TIAM1: variants seen among roughly 807,000 people sequenced by gnomAD.
TIAM1 encodes the protein TIAM Rac1 associated GEF 1.
A neutral mutation model predicts 163.5 loss-of-function variants in TIAM1; 65 were observed. That is an observed-to-expected ratio of 0.40 (90% CI 0.33 to 0.49). TIAM1 has a LOEUF of 0.49. Among genes scored for constraint, TIAM1 ranks in the 20% least tolerant of loss-of-function variants. The pLI is 0.77. For missense variants in TIAM1, 1,789 were observed against 2,044.7 expected, an observed-to-expected ratio of 0.87 and a Z score of 2.41; for synonymous variants, 833 against 810.1, an observed-to-expected ratio of 1.03 and a Z score of -0.48.
intron 1 of TIAM1, among the ~76,000 whole-genome samples, chr21:31,558,580 G>A (rs1417434083): frequency 1.3e-5 from 2 of 152,146 alleles, no homozygotes; most frequent in Non-Finnish European, 2.9e-5. Context: ...CCGCAGGTCA[G>A]CGCTGACCTC....
At chr21:31,442,070 A>AATATATATATATATATATATATATATAT (rs138822110) in intron 2 of TIAM1, among the ~76,000 whole-genome samples, 540 of 52,990 alleles carry the variant, frequency 0.01, 49 homozygotes, top group Admixed American at 0.018. Flanking sequence ...CAAATAAATA[A>AATATATATATATATATATATATATATAT]ATATATATAT....
At chr21:31,228,243 A>AGGATTTTTCCTTT (rs1569068912) in intron 6 of TIAM1, among the ~76,000 whole-genome samples, 2 of 51,774 alleles carry the variant, frequency 3.9e-5, no homozygotes, top group Admixed American at 3.1e-4. Flanking sequence ...AAAAAAAAAA[A>AGGATTTTTCCTTT]AAAAAAAAAA....
At chr21:31,473,493 T>C (rs956592382) in intron 1 of TIAM1, among the ~76,000 whole-genome samples, 10 of 137,784 alleles carry the variant, frequency 7.3e-5, no homozygotes, top group African/African-American at 2.7e-4. Flanking sequence ...CTGAGTTGCA[T>C]ATTAGATCCC....
intron 13 of TIAM1, among the ~76,000 whole-genome samples, chr21:31,187,397 C>A (rs190388856): frequency 6.6e-6 from 1 of 152,242 alleles, no homozygotes; most frequent in East Asian, 1.9e-4. Flanking sequence ...TCCATACTCT[C>A]CTCCAAAGCA....
At chr21:31,451,284 C>A (rs1415197015) in intron 2 of TIAM1, among the ~76,000 whole-genome samples, 1 of 152,126 alleles carries the variant, frequency 6.6e-6, no homozygotes, top group Non-Finnish European at 1.5e-5. Context: ...GAGTCGGCCA[C>A]GGGGACAGGA....
At chr21:31,539,621 G>A (rs2048256610) in intron 1 of TIAM1, among the ~76,000 whole-genome samples, 1 of 152,112 alleles carries the variant, frequency 6.6e-6, no homozygotes, top group African/African-American at 2.4e-5. Flanking sequence ...GAGTCACATG[G>A]ACACTCCGGA....
In TIAM1 at chr21:31,196,293, G is replaced by A. The variant is rs535569284; in HGVS notation, c.2494-988C>T. Among the ~76,000 whole-genome samples, 3 of 151,616 alleles carry A rather than the reference G, an allele frequency of 2.0e-5. No individual in the cohort carries two copies. In the South Asian group the frequency reaches 6.3e-4, roughly 32 times the overall value. On this transcript the variant is annotated intron_variant, in intron 12 of 27. Transcript: ENST00000541036. The stretch of plus-strand genomic sequence containing the variant: ...TGTTGGTGAGGCTGCAGAGAGAAGG[G>A]AATGCTTTTCTTTTCTTTTTTCTTT...
chr21:31,215,927 G>A (rs774097416), intron 9 of TIAM1, among the ~76,000 whole-genome samples: 25 of 152,164 alleles, frequency 1.6e-4, no homozygotes, highest in Admixed American at 5.9e-4. Flanking sequence ...TTGGGAGGCC[G>A]AAGTGGGCAG....
At chr21:31,550,157 A>G (rs185063006) in intron 1 of TIAM1, among the ~76,000 whole-genome samples, 75 of 152,198 alleles carry the variant, frequency 4.9e-4, no homozygotes, top group Non-Finnish European at 8.8e-4. Context: ...AAAAAAAAAG[A>G]TATTCAAACA....
Position 31,154,487 on chromosome 21 carries a change from C to G in TIAM1, c.2992-61G>C. 2 of 1,558,532 alleles carry G rather than the reference C, an allele frequency of 1.3e-6. 1 individual carries two copies. The highest frequency in any genetic ancestry group is 4.5e-5 in the East Asian group (2 of 44,282). On this transcript the variant is annotated intron_variant, in intron 16 of 27. Transcript: ENST00000541036. Reference sequence around the variant, plus strand: ...ATTATCCCTCATTAGACGCACCTGACACCTGGACCGCCTAGAGGTGTTCTC... The same window carrying G: ...ATTATCCCTCATTAGACGCACCTGAGACCTGGACCGCCTAGAGGTGTTCTC...
chr21:31,189,044 CTTTTTTTTTTTT>C (rs58786753), intron 13 of TIAM1, among the ~76,000 whole-genome samples: 28 of 70,086 alleles, frequency 4.0e-4, no homozygotes, highest in East Asian at 3.2e-3. Flanking sequence ...TCCATTCCCT[CTTTTTTTTTTTT>C]TTTTTTTTTT....
At chr21:31,145,424 G>A (rs554314375) in intron 20 of TIAM1, among the ~76,000 whole-genome samples, 1 of 152,328 alleles carries the variant, frequency 6.6e-6, no homozygotes, top group African/African-American at 2.4e-5. Context: ...ACAGTGAAGT[G>A]TTAAGGAACA....
intron 2 of TIAM1, among the ~76,000 whole-genome samples, chr21:31,369,292 T>G (rs1185748455): frequency 6.6e-6 from 1 of 151,558 alleles, no homozygotes; most frequent in Non-Finnish European, 1.5e-5. Context: ...AAGGTACACA[T>G]GCATCAGTTG....
chr21:31,328,340 G>T (rs768939127), intron 2 of TIAM1, among the ~76,000 whole-genome samples: 1 of 151,992 alleles, frequency 6.6e-6, no homozygotes, highest in Non-Finnish European at 1.5e-5. Flanking sequence ...AATAAATCAA[G>T]AAATGATTGT....
rs559623763 is a variant in TIAM1 at position 31,230,405 on chromosome 21, T to TA, written c.1585-4456dup. On this transcript the variant is annotated intron_variant, in intron 6 of 27. Coordinates refer to ENST00000541036, the MANE Select transcript of TIAM1 (RefSeq NM_001353694.2). Reference sequence around the variant, plus strand: ...TCCCAATCTCCACCAACCCTGTTCTTAAAAAAAAAAAAAGTTTTGGTTCTG... The same window carrying TA: ...TCCCAATCTCCACCAACCCTGTTCTTAAAAAAAAAAAAAAGTTTTGGTTCTG... 6.6e-3 allele frequency among the ~76,000 whole-genome samples: 958 copies of TA among 144,542 alleles called. 5 individuals carry two copies. The highest frequency in any genetic ancestry group is 0.012 in the Admixed American group (170 of 14,454). 94.8% of individuals were successfully genotyped at this position (144,542 alleles called of 152,430 possible).
intron 6 of TIAM1, among the ~76,000 whole-genome samples, chr21:31,233,354 T>A (rs570419671): frequency 6.6e-6 from 1 of 152,354 alleles, no homozygotes; most frequent in Non-Finnish European, 1.5e-5. Flanking sequence ...TTGTTGATTC[T>A]ATACTCATCA....
At chr21:31,557,443 CT>C (rs1420231661) in intron 1 of TIAM1, among the ~76,000 whole-genome samples, 1 of 152,158 alleles carries the variant, frequency 6.6e-6, no homozygotes, top group Admixed American at 6.5e-5. Context: ...CCCCGCCCCC[CT>C]AGAGGTTATT....
At position 31,511,135 on chromosome 21, in the gene TIAM1, G is replaced by A. The variant is rs1452074938; in HGVS notation, c.-421-47100C>T. ...GAGGAACCAATGCCGCGGGCACCCT[G>A]AGTCTGGGCTTGTGCCCTGCAGAAC... On this transcript the variant is annotated intron_variant, in intron 1 of 28. Coordinates refer to the TIAM1 transcript ENST00000286827. 4.6e-5 allele frequency among the ~76,000 whole-genome samples: 7 copies of A among 152,340 alleles called. No homozygotes were observed. The East Asian group carries it at 1.4e-3, about 29-fold the overall frequency.
At chr21:31,189,759 T>G (rs2085466753) in intron 13 of TIAM1, among the ~76,000 whole-genome samples, 1 of 152,002 alleles carries the variant, frequency 6.6e-6, no homozygotes, top group Non-Finnish European at 1.5e-5. Context: ...ATGCCAATAC[T>G]TTGCACACTG....
Sources: gnomAD v4.1 joint callset for allele counts (sites outside exome capture counted in the v4.1 genomes callset) on GRCh38, gnomAD v4.1.1 for gene constraint, MANE v1.5 for transcripts, NCBI Gene and HGNC (gene_info 2026-07-23, HGNC 2026-07-21) for gene names.